Variants in SYT2 observed in about 807,000 individuals in gnomAD.
The protein encoded by SYT2 is synaptotagmin-2.
SYT2 carries 15 observed loss-of-function variants against 39.9 expected under a neutral mutation model. The observed-to-expected ratio is 0.38, with a 90% confidence interval of 0.25 to 0.58. The LOEUF (loss-of-function observed/expected upper bound fraction) is 0.58, where lower values mean the gene tolerates loss of function less well. Among genes scored for constraint, SYT2 ranks in the 20% least tolerant of loss-of-function variants. The pLI is 0.70. For synonymous variants in SYT2, 181 were observed against 204.5 expected, an observed-to-expected ratio of 0.89 and a Z score of 0.98; for missense variants, 389 against 530.3, an observed-to-expected ratio of 0.73 and a Z score of 2.62.
chr1:202,633,491 A>G (rs1691653785), intron 1 of SYT2, among the ~76,000 whole-genome samples: 1 of 152,078 alleles, frequency 6.6e-6, no homozygotes, highest in Non-Finnish European at 1.5e-5. Context: ...CCCTCTCCCC[A>G]TCTTCATCCC....
intron 1 of SYT2, among the ~76,000 whole-genome samples, chr1:202,650,874 TC>T (rs1229869465): frequency 1.3e-5 from 2 of 151,994 alleles, no homozygotes; most frequent in Non-Finnish European, 1.5e-5. Context: ...TCTGATCTGA[TC>T]CCAAGGAAAG....
intron 1 of SYT2, among the ~76,000 whole-genome samples, chr1:202,690,794 A>T (rs1334110387): frequency 1.3e-5 from 2 of 152,316 alleles, no homozygotes; most frequent in East Asian, 3.9e-4. Context: ...AAGGAAAACA[A>T]TTCTAATAGT....
At chr1:202,655,784 C>G (rs1692267513) in intron 1 of SYT2, among the ~76,000 whole-genome samples, 1 of 152,214 alleles carries the variant, frequency 6.6e-6, no homozygotes, top group African/African-American at 2.4e-5. Context: ...CACCTTTCAT[C>G]TGTGTCATGG....
chr1:202,690,285 C>A (rs1406860707), intron 1 of SYT2, among the ~76,000 whole-genome samples: 1 of 152,162 alleles, frequency 6.6e-6, no homozygotes, highest in African/African-American at 2.4e-5. Context: ...ATAGGAACCT[C>A]ACAATGAAGA....
chr1:202,640,362 G>A (rs1691869024), intron 1 of SYT2, among the ~76,000 whole-genome samples: 1 of 151,616 alleles, frequency 6.6e-6, no homozygotes, highest in Non-Finnish European at 1.5e-5. Flanking sequence ...TGAGAAAACT[G>A]AGGTCCACAG....
intron 1 of SYT2, among the ~76,000 whole-genome samples, chr1:202,694,775 C>T (rs1653931967): frequency 6.6e-6 from 1 of 151,604 alleles, no homozygotes; most frequent in Admixed American, 6.6e-5. Context: ...CCTCCCTCTA[C>T]CCCTCTCCTC....
intron 1 of SYT2, chr1:202,639,738 C>G (rs1446769636): frequency 2.0e-6 from 2 of 985,350 alleles, no homozygotes; most frequent in Non-Finnish European, 2.4e-6. Flanking sequence ...CTGAGCTCTT[C>G]CTTTCTCCAG....
chr1:202,647,266 C>G (rs1692104075), intron 1 of SYT2, among the ~76,000 whole-genome samples: 1 of 152,220 alleles, frequency 6.6e-6, no homozygotes, highest in Non-Finnish European at 1.5e-5. Context: ...GGGCTCTAAG[C>G]TAGCCCTGCA....
In SYT2 at chr1:202,623,375, G is replaced by A. The variant is rs936018338; in HGVS notation, c.-17-17586C>T. ...CCAGCTGCTCCCAGCCCAGGGGGCT[G>A]CCTCTGGCCCCCAGACAGGCTGCCT... On this transcript the variant is annotated intron_variant, in intron 1 of 8. Transcript: ENST00000367268. The surrounding 1 kb of genome is among the most constrained non-coding windows in gnomAD (Gnocchi z 4.2). Among the ~76,000 whole-genome samples, 1 of 152,312 alleles carries A rather than the reference G, an allele frequency of 6.6e-6. No homozygotes were observed. The highest frequency in any genetic ancestry group is 2.1e-4 in the South Asian group (1 of 4,830).
intron 1 of SYT2, among the ~76,000 whole-genome samples, chr1:202,637,415 C>T (rs1196564810): frequency 6.6e-6 from 1 of 152,334 alleles, no homozygotes; most frequent in East Asian, 1.9e-4. Context: ...GCACACGAGT[C>T]GGCTCAGGAC....
chr1:202,621,109 T>A (rs562503488), intron 1 of SYT2, among the ~76,000 whole-genome samples: 1 of 152,268 alleles, frequency 6.6e-6, no homozygotes, highest in Non-Finnish European at 1.5e-5. Context: ...TGTAGTTGCT[T>A]CTGGGGAGCG....
chr1:202,637,636 G>A (rs972820569), intron 1 of SYT2, among the ~76,000 whole-genome samples: 3 of 151,582 alleles, frequency 2.0e-5, no homozygotes, highest in African/African-American at 7.2e-5. Context: ...GTGAGCAGCA[G>A]CTTTGAGAGA....
At chr1:202,642,522 G>T (rs1691944873) in intron 1 of SYT2, among the ~76,000 whole-genome samples, 1 of 152,176 alleles carries the variant, frequency 6.6e-6, no homozygotes. Flanking sequence ...CCGGGTCTCT[G>T]CAAGCTTGCC....
chr1:202,593,552 AG>A lies in SYT2; in HGVS notation c.*3204del, dbSNP rs1690195573. Reference sequence around the variant, plus strand: ...ATCCCTGCTATCTCATCCTCTACTGAGGGACTCCAGGAAAGTCACTTCTCAT... The same window carrying A: ...ATCCCTGCTATCTCATCCTCTACTGAGGACTCCAGGAAAGTCACTTCTCAT... On this transcript the variant is annotated 3_prime_UTR_variant, in exon 9 of 9. Coordinates refer to ENST00000367268, the MANE Select transcript of SYT2 (RefSeq NM_177402.5). 1 of 152,116 alleles carries A rather than the reference AG, an allele frequency of 6.6e-6. No homozygotes were observed. Among genetic ancestry groups the A allele is most frequent in the South Asian group, 2.1e-4 (1 of 4,816 alleles). The allele number at this position is 152,116 out of a possible 1,614,324, so 9.4% of individuals were successfully genotyped here.
chr1:202,607,882 T>A (rs1009169273), intron 1 of SYT2, among the ~76,000 whole-genome samples: 1 of 99,328 alleles, frequency 1.0e-5, no homozygotes, highest in African/African-American at 5.1e-5. Context: ...CTCTGTGACC[T>A]TTTTTTTTTA....
At chr1:202,608,136 A>G (rs1040639861) in intron 1 of SYT2, among the ~76,000 whole-genome samples, 1 of 152,164 alleles carries the variant, frequency 6.6e-6, no homozygotes, top group African/African-American at 2.4e-5. Flanking sequence ...AACATTTCCT[A>G]TCAATGGAAT....
At chr1:202,617,743 T>C (rs1346605837) in intron 1 of SYT2, among the ~76,000 whole-genome samples, 1 of 152,140 alleles carries the variant, frequency 6.6e-6, no homozygotes, top group African/African-American at 2.4e-5. Context: ...CCCATGGTAC[T>C]CATGCAGCTT....
chr1:202,631,972 C>T (rs1183406300), intron 1 of SYT2: 1 of 952,838 alleles, frequency 1.0e-6, no homozygotes, highest in African/African-American at 1.8e-5. Context: ...TGCTGGTTCG[C>T]CAGGCAGTTT....
intron 1 of SYT2, among the ~76,000 whole-genome samples, chr1:202,606,250 TC>T (rs1690704799): frequency 6.6e-6 from 1 of 152,186 alleles, no homozygotes; most frequent in Non-Finnish European, 1.5e-5. Flanking sequence ...AGATAGTTTT[TC>T]CAAGGTCACT....
Sources: allele counts gnomAD v4.1 joint callset (sites outside exome capture counted in the v4.1 genomes callset), GRCh38; gene constraint gnomAD v4.1.1; non-coding constraint Gnocchi (gnomAD v3.1); transcripts MANE v1.5; gene names NCBI Gene and HGNC (gene_info 2026-07-23, HGNC 2026-07-21).